The following SDK2 variants were observed in gnomAD, a reference collection of about 807,000 sequenced individuals.
SDK2 encodes the protein protein sidekick-2.
A neutral mutation model predicts 253.9 loss-of-function variants in SDK2; 105 were observed. The observed-to-expected ratio is 0.41, with a 90% CI of 0.35 to 0.49. SDK2 has a LOEUF of 0.49. Ranked by LOEUF, SDK2 falls within the 20% of genes least tolerant of loss-of-function variation. The pLI is 0.06. For synonymous variants in SDK2, 1,249 were observed against 1,234.9 expected, an observed-to-expected ratio of 1.01 and a Z score of -0.24; for missense variants, 2,608 against 3,003.0, an observed-to-expected ratio of 0.87 and a Z score of 3.07.
chr17:73,469,149 T>C (rs2063626136), intron 3 of SDK2, among the ~76,000 whole-genome samples: 3 of 152,150 alleles, frequency 2.0e-5, no homozygotes, highest in African/African-American at 7.2e-5. Flanking sequence ...TAAGCCACAC[T>C]GCCTGTCATG....
chr17:73,511,351 C>T lies in SDK2; in HGVS notation c.65-3754G>A, dbSNP rs780532320. Among the ~76,000 whole-genome samples, 68 of 152,316 alleles carry T rather than the reference C, an allele frequency of 4.5e-4. No individual in the cohort carries two copies. The highest frequency in any genetic ancestry group is 3.4e-3 in the Middle Eastern group (1 of 294). On this transcript the variant is annotated intron_variant, in intron 1 of 44. Transcript: ENST00000392650. The surrounding 1 kb of genome is among the most constrained non-coding windows in gnomAD (Gnocchi z 4.9). ...GTGCATATGTGTGAGCACACACACA[C>T]GCGCGAGCACGCACACGCTCTGCGC...
At chr17:73,589,410 T>C (rs1324462994) in intron 1 of SDK2, among the ~76,000 whole-genome samples, 2 of 152,214 alleles carry the variant, frequency 1.3e-5, no homozygotes, top group Non-Finnish European at 2.9e-5. Flanking sequence ...GGGGCAGATT[T>C]GCAGAGCTGG....
chr17:73,580,098 G>A (rs879390589), intron 1 of SDK2, among the ~76,000 whole-genome samples: 1 of 152,050 alleles, frequency 6.6e-6, no homozygotes, highest in Non-Finnish European at 1.5e-5. Context: ...GCGACCTGAA[G>A]ACACCTTGGT....
chr17:73,530,598 G>A (rs2064161287), intron 1 of SDK2, among the ~76,000 whole-genome samples: 1 of 152,186 alleles, frequency 6.6e-6, no homozygotes, highest in African/African-American at 2.4e-5. Context: ...GGTAGGGGCT[G>A]TAAGCCCCTC....
intron 28 of SDK2, 117 bp from the exon 29 acceptor site, chr17:73,390,598 G>T: frequency 9.3e-7 from 1 of 1,075,810 alleles, no homozygotes; most frequent in Non-Finnish European, 1.3e-6. Flanking sequence ...ACCTTGCCGT[G>T]GTCCCTTTGG....
chr17:73,349,058 G>A (rs2062511071), intron 43 of SDK2, among the ~76,000 whole-genome samples: 1 of 152,208 alleles, frequency 6.6e-6, no homozygotes, highest in Non-Finnish European at 1.5e-5. Context: ...GGCTTTGGGG[G>A]CACACAGGGG....
chr17:73,557,700 C>A (rs1023369883), intron 1 of SDK2, among the ~76,000 whole-genome samples: 5 of 152,056 alleles, frequency 3.3e-5, no homozygotes, highest in Non-Finnish European at 7.4e-5. Flanking sequence ...TCCTAATCTC[C>A]CTCTTTTCTT....
chr17:73,444,573 G>A (rs2145638323), intron 5 of SDK2, among the ~76,000 whole-genome samples: 1 of 152,320 alleles, frequency 6.6e-6, no homozygotes. Flanking sequence ...GACATCTAAC[G>A]TGATCCATCC....
chr17:73,350,309 G>C lies in SDK2; in HGVS notation c.5966C>G (p.Pro1989Arg). 6.2e-7 allele frequency: 1 copy of C among 1,613,508 alleles called. No individual in the cohort carries two copies. Reference protein sequence around the residue: ...EMMSLDESSFPALELNNRRLS... With the variant: ...EMMSLDESSFRALELNNRRLS... ...CCGCCTGTTGTTGAGTTCCAGGGCA[G>C]GGAAGCTGCTTTCATCCAAGCTCAT... The change falls in exon 43 of 45, where the codon CCT becomes CGT. Residue 1989 changes from proline (P) to arginine (R), a missense_variant. By Grantham distance (103) the Pro-to-Arg change is moderately radical (BLOSUM62 -2). This residue lies in a region of SDK2 where 1,103 missense variants were observed against 1,143.9 expected (regional missense o/e 0.96). Transcript: ENST00000392650.
intron 1 of SDK2, among the ~76,000 whole-genome samples, chr17:73,577,585 T>G (rs1181408072): frequency 1.3e-5 from 2 of 152,160 alleles, no homozygotes; most frequent in Non-Finnish European, 2.9e-5. Context: ...TGTCCTTCAT[T>G]TTTACCAGTG....
chr17:73,395,103 G>A lies in SDK2; in HGVS notation c.3592+52C>T. 1 of 1,441,548 alleles carries A rather than the reference G, an allele frequency of 6.9e-7. No individual in the cohort carries two copies. Among genetic ancestry groups the A allele is most frequent in the South Asian group, 1.2e-5 (1 of 80,386 alleles). 89.3% of individuals were successfully genotyped at this position (1,441,548 alleles called of 1,614,324 possible). On this transcript the variant is annotated intron_variant, in intron 25 of 44. Coordinates refer to ENST00000392650, the MANE Select transcript of SDK2 (RefSeq NM_001144952.2). This position sits in a 1 kb window ranked among gnomAD's most constrained non-coding sequence, Gnocchi z 4.3. ...GCGCTTGGATGACCCTGAGGGCATAGAGACCAAGGAGGGGACAGGCAGCAG... is the reference window on the plus strand; with the variant it reads ...GCGCTTGGATGACCCTGAGGGCATAAAGACCAAGGAGGGGACAGGCAGCAG...
chr17:73,498,782 T>C (rs1399657309), intron 2 of SDK2, among the ~76,000 whole-genome samples: 1 of 152,064 alleles, frequency 6.6e-6, no homozygotes, highest in South Asian at 2.1e-4. Context: ...TTAATAAGAG[T>C]TAAGGTACTA....
intron 2 of SDK2, among the ~76,000 whole-genome samples, chr17:73,488,880 C>T (rs2063786047): frequency 1.3e-5 from 2 of 152,036 alleles, no homozygotes; most frequent in African/African-American, 4.8e-5. Flanking sequence ...TTTTTTATCG[C>T]ACAGTTTGGC....
intron 1 of SDK2, among the ~76,000 whole-genome samples, chr17:73,545,094 T>TGCAC (rs2044936350): frequency 1.3e-5 from 1 of 75,174 alleles, no homozygotes; most frequent in Non-Finnish European, 2.4e-5. Flanking sequence ...TGCGTGCACG[T>TGCAC]GCACGCACAC....
chr17:73,374,703 A>G (rs8071336), intron 36 of SDK2, among the ~76,000 whole-genome samples: 17,797 of 149,748 alleles, frequency 0.12, 1,985 homozygotes, highest in East Asian at 0.27. Context: ...CCTGACCTCA[A>G]GTGATCTGCC....
chr17:73,341,151 G>T (rs1185842396), intron 44 of SDK2, among the ~76,000 whole-genome samples: 1 of 150,928 alleles, frequency 6.6e-6, no homozygotes, highest in Non-Finnish European at 1.5e-5. Context: ...CCAGTGTTGG[G>T]ATTACAGGCA....
At chr17:73,368,780 T>A (rs941875880) in intron 36 of SDK2, among the ~76,000 whole-genome samples, 187 bp from the exon 37 acceptor site, 1 of 152,034 alleles carries the variant, frequency 6.6e-6, no homozygotes, top group African/African-American at 2.4e-5. Flanking sequence ...GAGGCAGAGG[T>A]GGGTGGATCA....
chr17:73,624,719 A>C (rs972090149), intron 1 of SDK2, among the ~76,000 whole-genome samples: 12 of 152,186 alleles, frequency 7.9e-5, no homozygotes, highest in Non-Finnish European at 1.5e-5. Flanking sequence ...TGCCGGCATA[A>C]GCACCGCTCT....
chr17:73,453,470 C>G (rs1052496949), intron 4 of SDK2, among the ~76,000 whole-genome samples: 1 of 151,968 alleles, frequency 6.6e-6, no homozygotes, highest in Non-Finnish European at 1.5e-5. Context: ...CTCTGCCTCC[C>G]AGGTTCAAGC....
Sources: gnomAD v4.1 joint callset for allele counts (sites outside exome capture counted in the v4.1 genomes callset) on GRCh38, gnomAD v4.1.1 for gene constraint, gnomAD v4.1.1 regional missense constraint, Gnocchi (gnomAD v3.1) non-coding constraint, MANE v1.5 for transcripts, NCBI Gene and HGNC (gene_info 2026-07-23, HGNC 2026-07-21) for gene names.